NTN1: variants seen among roughly 807,000 people sequenced by gnomAD.
The protein encoded by NTN1 is netrin-1.
A neutral mutation model predicts 54.2 loss-of-function variants in NTN1; 11 were observed. That is an observed-to-expected ratio of 0.20 (90% CI 0.13 to 0.34). The LOEUF (loss-of-function observed/expected upper bound fraction) is 0.34, where lower values mean the gene tolerates loss of function less well. NTN1 is among the 10% of genes least tolerant of loss of function. The probability of loss-of-function intolerance (pLI) is 1.00; values close to 1 mark genes in which losing one functional copy is unlikely to be tolerated. For missense variants in NTN1, 740 were observed against 893.1 expected (o/e 0.83, Z 2.18); for synonymous variants, 371 against 382.0 (o/e 0.97, Z 0.33).
rs1015342100 is a variant in NTN1 at position 9,165,908 on chromosome 17, G to A, written c.1207+2907G>A. On this transcript the variant is annotated intron_variant, in intron 3 of 6. Transcript: ENST00000173229. This position sits in a 1 kb window ranked among gnomAD's most constrained non-coding sequence, Gnocchi z 4.5. ...AAAATATCTACTCTCTGATTGGTGA[G>A]CAAAAATTTGACCCAAGAAGTCCAG... Among the ~76,000 whole-genome samples, 2 of 152,276 alleles carry A rather than the reference G, an allele frequency of 1.3e-5. No homozygotes were observed. Among genetic ancestry groups the A allele is most frequent in the Non-Finnish European group, 2.9e-5 (2 of 68,014 alleles).
intron 2 of NTN1, among the ~76,000 whole-genome samples, chr17:9,058,637 C>CAAAAAAAAAAAAAAAAA (rs3053457): frequency 2.5e-4 from 15 of 58,896 alleles, no homozygotes; most frequent in Non-Finnish European, 3.9e-4. Context: ...GGTAGGCACT[C>CAAAAAAAAAAAAAAAAA]AAAAAAAAAA....
At chr17:9,214,258 G>A (rs977283136) in intron 5 of NTN1, among the ~76,000 whole-genome samples, 3 of 151,900 alleles carry the variant, frequency 2.0e-5, no homozygotes, top group Non-Finnish European at 4.4e-5. Context: ...TATAGTTTGC[G>A]CTTCTTGGGA....
intron 5 of NTN1, among the ~76,000 whole-genome samples, chr17:9,186,962 G>T (rs2092435327): frequency 6.6e-6 from 1 of 152,128 alleles, no homozygotes; most frequent in Admixed American, 6.5e-5. Context: ...GCACTAAAAT[G>T]GGCACCTGAG....
At chr17:9,099,588 A>G (rs1274744086) in intron 2 of NTN1, among the ~76,000 whole-genome samples, 1 of 152,124 alleles carries the variant, frequency 6.6e-6, no homozygotes, top group African/African-American at 2.4e-5. Context: ...TTCTACAATG[A>G]ACATCATAGA....
At chr17:9,014,172 A>G in the NTN1 span, among the ~76,000 whole-genome samples, 1 of 152,130 alleles carries the variant, frequency 6.6e-6, no homozygotes, top group African/African-American at 2.4e-5. Context: ...CCTGCTCCCC[A>G]TGTTCTAAAG....
At chr17:9,138,436 G>T (rs2092287589) in intron 2 of NTN1, among the ~76,000 whole-genome samples, 1 of 152,098 alleles carries the variant, frequency 6.6e-6, no homozygotes, top group Admixed American at 6.5e-5. Context: ...CTTCCAGGGG[G>T]TAGGTGTCCT....
intron 3 of NTN1, among the ~76,000 whole-genome samples, chr17:9,163,477 A>AACACACACACACACAC (rs55765967): frequency 7.0e-6 from 1 of 142,684 alleles, no homozygotes; most frequent in East Asian, 2.1e-4. Context: ...TCCCCCCCGA[A>AACACACACACACACAC]ACACACACAC....
intron 2 of NTN1, among the ~76,000 whole-genome samples, chr17:9,038,954 A>C (rs1567696316): frequency 6.6e-6 from 1 of 152,166 alleles, no homozygotes; most frequent in Non-Finnish European, 1.5e-5. Flanking sequence ...TGAGGTAAGG[A>C]TATCCATTTT....
chr17:9,172,107 C>T (rs961187793), intron 3 of NTN1, among the ~76,000 whole-genome samples: 1 of 152,022 alleles, frequency 6.6e-6, no homozygotes, highest in African/African-American at 2.4e-5. Flanking sequence ...AGGCTGGTCT[C>T]GAACTCCCAA....
chr17:9,238,840 G>A (rs1317805097), intron 6 of NTN1, among the ~76,000 whole-genome samples: 1 of 152,214 alleles, frequency 6.6e-6, no homozygotes, highest in Non-Finnish European at 1.5e-5. Flanking sequence ...TGTGAGAAAT[G>A]CATATTCTAG....
At chr17:9,098,629 G>A (rs1266963957) in intron 2 of NTN1, among the ~76,000 whole-genome samples, 5 of 152,204 alleles carry the variant, frequency 3.3e-5, no homozygotes, top group African/African-American at 1.2e-4. Flanking sequence ...GACTATGGGA[G>A]GATGCTGGGT....
rs767740670 is a variant in NTN1, at chr17:9,068,404, C to T, written c.1018+45013C>T. On this transcript the variant is annotated intron_variant, in intron 2 of 6. Transcript: ENST00000173229. Reference sequence around the variant, plus strand: ...CCTACTATGTTGCCCAGACTGGTCTCGAACTCCTAGGCTCAAGGGATCCTC... The same window carrying T: ...CCTACTATGTTGCCCAGACTGGTCTTGAACTCCTAGGCTCAAGGGATCCTC... Among the ~76,000 whole-genome samples, 16 of 152,168 alleles carry T rather than the reference C, an allele frequency of 1.1e-4. No individual in the cohort carries two copies. The East Asian group carries it at 2.3e-3, about 22-fold the overall frequency.
chr17:9,196,800 A>G (rs550551013), intron 5 of NTN1, among the ~76,000 whole-genome samples: 2 of 152,260 alleles, frequency 1.3e-5, no homozygotes, highest in South Asian at 2.1e-4. Context: ...AAAGCCTTCT[A>G]TTTGTAGAGA....
chr17:9,076,794 T>C (rs191915888), intron 2 of NTN1, among the ~76,000 whole-genome samples: 1 of 152,356 alleles, frequency 6.6e-6, no homozygotes, highest in African/African-American at 2.4e-5. Context: ...TAAGTGACTT[T>C]CCAGGGTATT....
chr17:9,204,289 T>TG (rs200698536), intron 5 of NTN1, among the ~76,000 whole-genome samples: 1 of 142,150 alleles, frequency 7.0e-6, no homozygotes, highest in African/African-American at 2.9e-5. Flanking sequence ...TCTCTATCTC[T>TG]TTCTCTCTCT....
At chr17:9,232,922 C>T (rs954973208) in intron 6 of NTN1, among the ~76,000 whole-genome samples, 5 of 152,142 alleles carry the variant, frequency 3.3e-5, no homozygotes, top group African/African-American at 1.2e-4. Flanking sequence ...ACACGCTTTC[C>T]ACAGCGGGAG....
chr17:9,226,169 G>GGGA (rs1437407840), intron 6 of NTN1, among the ~76,000 whole-genome samples: 1 of 144,764 alleles, frequency 6.9e-6, no homozygotes, highest in Non-Finnish European at 1.5e-5. Context: ...GGTCGGGGGG[G>GGGA]GGCCTCAGTG....
chr17:9,197,978 C>T (rs1904682696), intron 5 of NTN1, among the ~76,000 whole-genome samples: 1 of 152,172 alleles, frequency 6.6e-6, no homozygotes. Context: ...CTGGACTTAC[C>T]CTTCCCTCTT....
chr17:9,098,463 G>A (rs775027908), intron 2 of NTN1, among the ~76,000 whole-genome samples: 8 of 152,352 alleles, frequency 5.3e-5, no homozygotes, highest in Non-Finnish European at 1.2e-4. Context: ...TTGCAGGATG[G>A]CTGGGAAGGG....
Sources: allele counts gnomAD v4.1 joint callset (sites outside exome capture counted in the v4.1 genomes callset), GRCh38; gene constraint gnomAD v4.1.1; non-coding constraint Gnocchi (gnomAD v3.1); transcripts MANE v1.5; gene names NCBI Gene and HGNC (gene_info 2026-07-23, HGNC 2026-07-21).